The following DNAH5 variants were observed in gnomAD, a reference collection of about 807,000 sequenced individuals.
The protein encoded by DNAH5 is dynein axonemal heavy chain 5.
In DNAH5, 372 loss-of-function variants were observed where a neutral mutation model predicts 518.2. The observed-to-expected ratio is 0.72, with a 90% CI of 0.66 to 0.78. The LOEUF (loss-of-function observed/expected upper bound fraction) is 0.78. DNAH5 is among the 30% of genes least tolerant of loss of function. The probability of loss-of-function intolerance (pLI) is 0.00; values close to 1 mark genes in which losing one functional copy is unlikely to be tolerated. For missense variants in DNAH5, 5,523 were observed against 5,687.0 expected (o/e 0.97, Z 0.93); for synonymous variants, 2,039 against 2,025.9 (o/e 1.01, Z -0.17).
At chr5:13,807,361 G>T (rs1439688745) in intron 47 of DNAH5, among the ~76,000 whole-genome samples, 1 of 152,124 alleles carries the variant, frequency 6.6e-6, no homozygotes, top group Non-Finnish European at 1.5e-5. Flanking sequence ...CCGCATTGAG[G>T]CCTATAGCAC....
Position 13,917,182 on chromosome 5 carries a change from T to C in DNAH5, c.1050A>G (p.Thr350=). The C allele has an allele frequency of 6.2e-7, 1 of 1,613,982 alleles. No homozygotes were observed. Among genetic ancestry groups the C allele is most frequent in the East Asian group, 2.2e-5 (1 of 44,844 alleles). ...ACAAAGGGTCACAACATTTTTCAAG[T>C]GTATACAAGTATTTCACATTGTCCT... is the stretch of plus-strand genomic sequence containing the variant. ...EAKDNVKYLY[T]LEKCCDPLYS... Residue 350 remains threonine (T), a synonymous_variant, in exon 8 of 79, where the codon ACA becomes ACG. Transcript: ENST00000265104.
At chr5:13,728,992 G>A (rs898888758) in intron 69 of DNAH5, among the ~76,000 whole-genome samples, 5 of 152,150 alleles carry the variant, frequency 3.3e-5, no homozygotes, top group African/African-American at 9.7e-5. Context: ...CAAATAATGG[G>A]AAGGGCAGGA....
chr5:13,750,091 G>A (rs1383621762), intron 65 of DNAH5, among the ~76,000 whole-genome samples: 2 of 152,114 alleles, frequency 1.3e-5, no homozygotes, highest in Admixed American at 6.6e-5. Context: ...GGGAGGAAGT[G>A]GAGGAGAAAG....
chr5:13,901,148 A>G, intron 14 of DNAH5, 104 bp downstream of exon 14: 1 of 1,275,214 alleles, frequency 7.8e-7, no homozygotes, highest in Non-Finnish European at 1.1e-6. Context: ...CTGCCTTACA[A>G]AACACCTACA....
At chr5:13,911,789 T>G (rs1239006746) in intron 11 of DNAH5, among the ~76,000 whole-genome samples, 1 of 152,198 alleles carries the variant, frequency 6.6e-6, no homozygotes, top group Non-Finnish European at 1.5e-5. Context: ...CCACTAAAAT[T>G]TTATTGTTAA....
intron 48 of DNAH5, 57 bp from the exon 49 acceptor site, chr5:13,793,785 A>G: frequency 6.3e-7 from 1 of 1,586,750 alleles, no homozygotes; most frequent in East Asian, 2.2e-5. Context: ...CCGGAGCCTA[A>G]CTCCTTGAGT....
At chr5:13,820,297 C>A (rs368946389) in intron 41 of DNAH5, 49 bp downstream of exon 41, 4 of 1,597,968 alleles carry the variant, frequency 2.5e-6, no homozygotes, top group Non-Finnish European at 2.5e-6. Context: ...AAATGGGTCA[C>A]CACTACTTAA....
At chr5:13,816,410 C>A (rs1263853769) in intron 42 of DNAH5, among the ~76,000 whole-genome samples, 1 of 152,080 alleles carries the variant, frequency 6.6e-6, no homozygotes, top group Non-Finnish European at 1.5e-5. Flanking sequence ...ATGCAACAAC[C>A]GTGGGATAGT....
chr5:13,935,723 G>A (rs1311985228), intron 1 of DNAH5, among the ~76,000 whole-genome samples: 1 of 152,176 alleles, frequency 6.6e-6, no homozygotes. Flanking sequence ...TCAATCCGCA[G>A]ACCTAACCCT....
chr5:13,873,490 C>T (rs1770433491), intron 22 of DNAH5, among the ~76,000 whole-genome samples: 1 of 151,998 alleles, frequency 6.6e-6, no homozygotes, highest in African/African-American at 2.4e-5. Context: ...TTTTCAGGAA[C>T]ATGTTTATTG....
intron 66 of DNAH5, among the ~76,000 whole-genome samples, chr5:13,736,849 G>A (rs1385704462): frequency 6.6e-6 from 1 of 152,158 alleles, no homozygotes; most frequent in Non-Finnish European, 1.5e-5. Context: ...AATCTCCCAA[G>A]AGACCACAGA....
At chr5:13,776,788 C>G (rs1754156305) in intron 54 of DNAH5, 82 bp from the exon 55 acceptor site, 1 of 1,490,744 alleles carries the variant, frequency 6.7e-7, no homozygotes, top group Admixed American at 1.7e-5. Flanking sequence ...CACAGAATGT[C>G]TTTTCTCCAT....
At chr5:13,884,936 A>AC (rs1772188353) in intron 19 of DNAH5, 53 bp downstream of exon 19, 2 of 1,611,936 alleles carry the variant, frequency 1.2e-6, no homozygotes, top group East Asian at 4.5e-5. Flanking sequence ...ACACACACAT[A>AC]CCCCAGCAAC....
chr5:13,913,885 C>G lies in DNAH5; in HGVS notation c.1394G>C (p.Ser465Thr), dbSNP rs141013226. ...GAATTTTCCAAAAATATACATCTCG[C>G]TAAAATCAAATTGTTTTGCATTTGG... ...QNPNAKQFDF[S>T]EMYIFGKFET... Residue 465 changes from serine (S) to threonine (T), a missense_variant, in exon 11 of 79, where the codon AGC (serine) becomes ACC (threonine). By Grantham distance (58) the Ser-to-Thr change is moderately conservative. Coordinates refer to ENST00000265104, the MANE Select transcript of DNAH5 (RefSeq NM_001369.3). 1 of 1,613,582 alleles carries G rather than the reference C, an allele frequency of 6.2e-7. No homozygotes were observed. Among genetic ancestry groups the G allele is most frequent in the Non-Finnish European group, 8.5e-7 (1 of 1,179,630 alleles).
At chr5:13,983,571 A>G (rs1008019556) in intron 1 of DNAH5, among the ~76,000 whole-genome samples, 3 of 152,162 alleles carry the variant, frequency 2.0e-5, no homozygotes, top group Non-Finnish European at 4.4e-5. Context: ...CAGGCAAGGT[A>G]GGATAAGCAC....
At chr5:13,891,176 T>G (rs1390933011) in intron 16 of DNAH5, 55 bp from the exon 17 acceptor site, 15 of 1,591,326 alleles carry the variant, frequency 9.4e-6, no homozygotes, top group Non-Finnish European at 1.2e-5. Context: ...TTTTGTTTTT[T>G]AAAAAAATCA....
intron 31 of DNAH5, among the ~76,000 whole-genome samples, chr5:13,847,244 A>G (rs1766130588): frequency 6.6e-6 from 1 of 152,256 alleles, no homozygotes; most frequent in East Asian, 1.9e-4. Context: ...AAATGTCTAT[A>G]CAAGGCTTAC....
Position 13,900,306 on chromosome 5 carries a change from T to C in DNAH5, c.2159A>G (p.Glu720Gly), listed in dbSNP as rs1201394830. The change falls in exon 15 of 79, where the codon GAA becomes GGA. Residue 720 changes from glutamate to glycine, a missense_variant. Around this residue, in one of 3 missense-constraint regions of DNAH5, gnomAD observed 5,121 missense variants for 5,223.3 expected, o/e 0.98. Transcript: ENST00000265104. ...ACCCATCTGGGCCATGCACTCTGTT[T>C]CTCTAAATAAGATTAATATCTGAGG... ...FDPQILILFR[E>G]TECMAQMGLE... The C allele has an allele frequency of 1.2e-6, 2 of 1,614,158 alleles. No individual in the cohort carries two copies. Among genetic ancestry groups the C allele is most frequent in the East Asian group, 4.5e-5 (2 of 44,882 alleles).
intron 1 of DNAH5, among the ~76,000 whole-genome samples, chr5:13,966,382 G>A (rs1461149313): frequency 1.3e-5 from 2 of 152,206 alleles, no homozygotes; most frequent in Non-Finnish European, 2.9e-5. Context: ...ATACCCAGTA[G>A]TGGAATTACT....
Sources: allele counts gnomAD v4.1 joint callset (sites outside exome capture counted in the v4.1 genomes callset), GRCh38; gene constraint gnomAD v4.1.1; regional missense constraint gnomAD v4.1.1; transcripts MANE v1.5; gene names NCBI Gene and HGNC (gene_info 2026-07-23, HGNC 2026-07-21).